CCNH: variants seen among roughly 807,000 people sequenced by gnomAD.
CCNH encodes the protein cyclin H.
In CCNH, 31 loss-of-function variants were observed where a neutral mutation model predicts 41.9. That is an observed-to-expected ratio of 0.74 (90% CI 0.56 to 1.00). CCNH has a LOEUF of 1.00. Ranked by LOEUF, CCNH falls within the 50% of genes least tolerant of loss-of-function variation. The probability of loss-of-function intolerance (pLI) is 0.00; values close to 1 mark genes in which losing one functional copy is unlikely to be tolerated. For missense variants in CCNH, 362 were observed against 388.4 expected, an observed-to-expected ratio of 0.93 and a Z score of 0.57; for synonymous variants, 138 against 136.1, an observed-to-expected ratio of 1.01 and a Z score of -0.10.
intron 9 of CCNH, chr5:87,353,048 G>GA (rs35672483): frequency 1.2e-5 from 9 of 774,078 alleles, no homozygotes; most frequent in African/African-American, 5.3e-5. Context: ...TATGTGCTTT[G>GA]AAAAAAATTT....
chr5:87,366,372 G>A (rs1293100728), intron 9 of CCNH: 1 of 431,396 alleles, frequency 2.3e-6, no homozygotes, highest in Non-Finnish European at 4.7e-6. Context: ...TTGGAAGTCT[G>A]TTGGCACAAT....
chr5:87,322,954 A>T (rs1196303252), intron 9 of CCNH, among the ~76,000 whole-genome samples: 1 of 152,146 alleles, frequency 6.6e-6, no homozygotes, highest in Non-Finnish European at 1.5e-5. Context: ...ATATTTGCTA[A>T]TTTTTTAAGA....
At chr5:87,351,342 A>G (rs1034856035) in intron 9 of CCNH, among the ~76,000 whole-genome samples, 1 of 151,784 alleles carries the variant, frequency 6.6e-6, no homozygotes, top group Non-Finnish European at 1.5e-5. Context: ...TAGAAAAGAA[A>G]GTATGGTATG....
At chr5:87,411,409 T>G in intron 1 of CCNH, 63 bp from the exon 2 acceptor site, 2 of 1,495,852 alleles carry the variant, frequency 1.3e-6, no homozygotes, top group Non-Finnish European at 1.8e-6. Flanking sequence ...TTGTAAAACA[T>G]TTTTCTCTAT....
chr5:87,314,412 T>C (rs1756160598), downstream of CCNH, among the ~76,000 whole-genome samples: 1 of 152,120 alleles, frequency 6.6e-6, no homozygotes. Flanking sequence ...CCAGTAAAAC[T>C]GAAAAATCTG....
intron 9 of CCNH, among the ~76,000 whole-genome samples, chr5:87,358,579 A>T (rs1428152545): frequency 6.6e-6 from 1 of 152,204 alleles, no homozygotes; most frequent in African/African-American, 2.4e-5. Context: ...TTGTCCCCTT[A>T]TGCTGCATGC....
Position 87,411,258 on chromosome 5 carries a change from G to A in CCNH, c.206C>T (p.Ser69Leu), listed in dbSNP as rs1282114823. 1.2e-6 allele frequency: 2 copies of A among 1,612,298 alleles called. No individual in the cohort carries two copies. The highest frequency in any genetic ancestry group is 2.2e-5 in the East Asian group (1 of 44,768). The part of the protein sequence containing the change: ...YYEKRLLEFC[S>L]VFKPAMPRSV... ...TCTTGGCATTGCTGGCTTAAACACCGAACAGAATTCCAATAACCTTTTCTC... is the reference window on the plus strand; with the variant it reads ...TCTTGGCATTGCTGGCTTAAACACCAAACAGAATTCCAATAACCTTTTCTC... Residue 69 changes from serine to leucine, a missense_variant, in exon 2 of 9, where the codon TCG becomes TTG. Physicochemically the swap from Ser to Leu is moderately radical, Grantham distance 145. Transcript: ENST00000256897.
At chr5:87,410,512 C>T (rs754306485) in intron 2 of CCNH, among the ~76,000 whole-genome samples, 3 of 151,894 alleles carry the variant, frequency 2.0e-5, no homozygotes, top group Non-Finnish European at 2.9e-5. Context: ...TCTACTGGGT[C>T]GTAAGCTAGT....
downstream of CCNH, among the ~76,000 whole-genome samples, chr5:87,389,021 C>T (rs1189279831): frequency 6.6e-6 from 1 of 152,026 alleles, no homozygotes. Context: ...ACAAAGGTTA[C>T]AAAGTCTATA....
intron 3 of CCNH, 183 bp downstream of exon 3, chr5:87,409,107 C>T: frequency 2.6e-6 from 1 of 383,320 alleles, no homozygotes; most frequent in African/African-American, 2.1e-5. Flanking sequence ...TACTGAAGTA[C>T]AGGTAAACAG....
chr5:87,355,406 C>T (rs1415144095), intron 9 of CCNH, among the ~76,000 whole-genome samples: 1 of 152,170 alleles, frequency 6.6e-6, no homozygotes, highest in Non-Finnish European at 1.5e-5. Flanking sequence ...GTCAATGGAA[C>T]TACAAAGCCT....
downstream of CCNH, among the ~76,000 whole-genome samples, chr5:87,372,789 A>C (rs1209196516): frequency 6.6e-6 from 1 of 152,108 alleles, no homozygotes; most frequent in African/African-American, 2.4e-5. Context: ...AAATTTTGAC[A>C]TTCTCAAGGT....
At chr5:87,389,660 A>C, downstream of CCNH, 1 of 1,210,010 alleles carries the variant, frequency 8.3e-7, no homozygotes, top group Non-Finnish European at 1.2e-6. Flanking sequence ...CATATTACAA[A>C]AGATCTCAGC....
At chr5:87,324,715 C>G (rs11745338) in intron 9 of CCNH, among the ~76,000 whole-genome samples, 65,088 of 151,834 alleles carry the variant, frequency 0.43, 13,919 homozygotes, top group East Asian at 0.51. Flanking sequence ...CCCAAGAATA[C>G]CTAATATAAA....
intron 9 of CCNH, chr5:87,331,057 A>G (rs1040299146): frequency 1.7e-6 from 2 of 1,180,816 alleles, no homozygotes; most frequent in Non-Finnish European, 2.3e-6. Context: ...TAGTGTTTAT[A>G]TTTTGAATAG....
At chr5:87,405,188 G>A (rs1763701017) in intron 4 of CCNH, among the ~76,000 whole-genome samples, 181 bp from the exon 5 acceptor site, 1 of 152,160 alleles carries the variant, frequency 6.6e-6, no homozygotes, top group South Asian at 2.1e-4. Flanking sequence ...TTTTCCACCT[G>A]AGTAGGAAGG....
At chr5:87,389,674 C>G, downstream of CCNH, 2 of 1,114,804 alleles carry the variant, frequency 1.8e-6, no homozygotes, top group Non-Finnish European at 2.6e-6. Context: ...TCTCAGCAGA[C>G]AGAAATAACG....
At chr5:87,378,206 A>AT (rs1761452614), upstream of CCNH, among the ~76,000 whole-genome samples, 1 of 152,208 alleles carries the variant, frequency 6.6e-6, no homozygotes, top group Admixed American at 6.5e-5. Flanking sequence ...GGTAATACAT[A>AT]TGAAAGTCTT....
chr5:87,351,268 A>G lies in CCNH; in HGVS notation c.*91-32371T>C, dbSNP rs543350531. ...ATCTACTTTGTGAAATATACTGTACAAATTCTGTGTAAATACATTAAAGAA... is the reference window on the plus strand; with the variant it reads ...ATCTACTTTGTGAAATATACTGTACGAATTCTGTGTAAATACATTAAAGAA... On this transcript the variant is annotated intron_variant and NMD_transcript_variant, in intron 9 of 9. Transcript: ENST00000645953. Among the ~76,000 whole-genome samples the G allele has an allele frequency of 3.3e-5, 5 of 151,870 alleles. 1 individual carries two copies. In the South Asian group the frequency reaches 1.0e-3, roughly 31 times the overall value.
Sources: allele counts gnomAD v4.1 joint callset (sites outside exome capture counted in the v4.1 genomes callset), GRCh38; gene constraint gnomAD v4.1.1; transcripts MANE v1.5; gene names NCBI Gene and HGNC (gene_info 2026-07-23, HGNC 2026-07-21).